The following CCDC74B variants were observed in gnomAD, a reference collection of about 807,000 sequenced individuals.
CCDC74B encodes the protein coiled-coil domain containing 74B, also known as coiled-coil domain-containing protein 74B.
In CCDC74B, 34 loss-of-function variants were observed where a neutral mutation model predicts 38.0. That is an observed-to-expected ratio of 0.89 (90% CI 0.68 to 1.19). The LOEUF (loss-of-function observed/expected upper bound fraction) is 1.19, where lower values mean the gene tolerates loss of function less well. Among genes scored for constraint, CCDC74B ranks in the 50% most tolerant of loss-of-function variants. The pLI, the probability that CCDC74B is intolerant of heterozygous loss-of-function variation, is 0.00. For synonymous variants in CCDC74B, 132 were observed against 170.4 expected (o/e 0.77, Z 1.76); for missense variants, 358 against 406.0 (o/e 0.88, Z 1.02).
In CCDC74B at chr2:130,140,335, G is replaced by T. The variant is rs1470207888; in HGVS notation, c.522C>A (p.Ala174=). The T allele has an allele frequency of 3.4e-5, 54 of 1,607,114 alleles. No individual in the cohort carries two copies. Among genetic ancestry groups the T allele is most frequent in the Non-Finnish European group, 4.1e-5 (48 of 1,176,962 alleles). Residue 174 remains alanine (A), a synonymous_variant, in exon 5 of 8, where the codon GCC becomes GCA. Coordinates refer to ENST00000409943, the MANE Select transcript of CCDC74B (RefSeq NM_001258307.2). ...CCTGGTGCTGGCTGTTCCCCATACA[G>T]GCAGCTCCTGCGTTAGAGGCCTCTG... ...EKAEASNAGA[A]CMGNSQHQGR... is the part of the protein sequence containing the mutation.
chr2:130,144,679 C>T lies in CCDC74B; in HGVS notation c.250+68G>A, dbSNP rs761459403. 467 of 1,583,354 alleles carry T rather than the reference C, an allele frequency of 2.9e-4. 1 individual carries two copies. The highest frequency in any genetic ancestry group is 1.6e-3 in the Admixed American group (86 of 55,330). On this transcript the variant is annotated intron_variant, in intron 1 of 7. Transcript: ENST00000409943. ...TGGAGTTGATGGCTGTGTTTCTGTG[C>T]TGCGGGAGCGGCAGTGTTGAGTGTG...
Position 130,139,767 on chromosome 2 carries a change from C to T in CCDC74B, c.810-77G>A. ...TGTGGGGAGTGCGGCCTGCATGGCC[C>T]TCACGGGGGCACAGAGAGGCCTCAG... On this transcript the variant is annotated intron_variant, in intron 7 of 7. Coordinates refer to ENST00000409943, the MANE Select transcript of CCDC74B (RefSeq NM_001258307.2). The T allele has an allele frequency of 8.1e-6, 13 of 1,606,870 alleles. No homozygotes were observed. The South Asian group carries it at 1.2e-4, about 15-fold the overall frequency.
At chr2:130,143,788 C>T (rs1228211927) in intron 1 of CCDC74B, among the ~76,000 whole-genome samples, 1 of 152,088 alleles carries the variant, frequency 6.6e-6, no homozygotes, top group African/African-American at 2.4e-5. Flanking sequence ...GGTAAGGCAG[C>T]AGCAGGGAAC....
At position 130,139,604 on chromosome 2, in the gene CCDC74B, T is replaced by C. The variant is rs1292317533; in HGVS notation, c.896A>G (p.Lys299Arg). ...CCGTTTCTGCATTGCCTGCAGCCTCTTCTGCCTCTCGGCAAAGTTGTTCTT... is the reference window on the plus strand; with the variant it reads ...CCGTTTCTGCATTGCCTGCAGCCTCCTCTGCCTCTCGGCAAAGTTGTTCTT... ...TPKNNFAERQ[K>R]RLQAMQKRRL... The change falls in exon 8 of 8, where the codon AAG becomes AGG. Residue 299 changes from lysine to arginine, a missense_variant. This residue lies in a region of CCDC74B where 213 missense variants were observed against 212.3 expected (regional missense o/e 1.00). Transcript: ENST00000409943. 6.2e-7 allele frequency: 1 copy of C among 1,613,502 alleles called. No individual in the cohort carries two copies. Among genetic ancestry groups the C allele is most frequent in the East Asian group, 2.2e-5 (1 of 44,876 alleles).
At chr2:130,143,605 C>G (rs986354732) in intron 1 of CCDC74B, among the ~76,000 whole-genome samples, 1 of 152,194 alleles carries the variant, frequency 6.6e-6, no homozygotes, top group African/African-American at 2.4e-5. Context: ...TTTAGGGGTA[C>G]AGAGGTGAAC....
In CCDC74B at chr2:130,142,187, C is replaced by T. The variant is rs1349391182; in HGVS notation, c.296-4G>A. On this transcript the variant is annotated splice_region_variant and splice_polypyrimidine_tract_variant and intron_variant, in intron 2 of 7. Coordinates refer to ENST00000409943, the MANE Select transcript of CCDC74B (RefSeq NM_001258307.2). ...AAGCTTGACGTGGAGAGGCTGTCTG[C>T]AGGAGAGCGCACAGTGTCGGCGCTA... The T allele has an allele frequency of 1.2e-5, 19 of 1,613,280 alleles. No individual in the cohort carries two copies. In the East Asian group the frequency reaches 4.0e-4, roughly 34 times the overall value.
At chr2:130,139,861 C>T (rs1685480063) in intron 7 of CCDC74B, 30 bp downstream of exon 7, 1 of 1,608,712 alleles carries the variant, frequency 6.2e-7, no homozygotes, top group Non-Finnish European at 8.5e-7. Flanking sequence ...TGCAGGGCTG[C>T]CCCACTGTCC....
rs1685573321 is a variant in CCDC74B, at chr2:130,140,933, A to G, written c.485+225T>C. 1.4e-5 allele frequency: 8 copies of G among 570,470 alleles called. No individual in the cohort carries two copies. In the South Asian group the frequency reaches 1.6e-4, roughly 12 times the overall value. 35.3% of individuals were successfully genotyped at this position (570,470 alleles called of 1,614,324 possible). ...CTCGTGGGCTCAGGTCAGCACAGGT[A>G]CTCTGCAGGACCCCCAGGGGAAGGG... is the stretch of plus-strand genomic sequence containing the variant. On this transcript the variant is annotated intron_variant, in intron 4 of 7. Coordinates refer to ENST00000409943, the MANE Select transcript of CCDC74B (RefSeq NM_001258307.2).
At position 130,144,327 on chromosome 2, in the gene CCDC74B, G is replaced by C. The variant is rs1685885462; in HGVS notation, c.250+420C>G. The C allele has an allele frequency of 3.8e-5, 24 of 626,634 alleles. 1 individual carries two copies. In the Middle Eastern group the frequency reaches 7.3e-3, roughly 190 times the overall value. The allele number at this position is 626,634 out of a possible 1,614,324, so 38.8% of individuals were successfully genotyped here. A position where few individuals can be genotyped will look rare whatever the true frequency, so the allele number is the denominator to read the frequency against. ...GCTAACTTTTTGTATTTTTAGTAGA[G>C]ACGGGGTTTCACCGTGTTAGCCAGG... On this transcript the variant is annotated intron_variant, in intron 1 of 7. Coordinates refer to ENST00000409943, the MANE Select transcript of CCDC74B (RefSeq NM_001258307.2).
At position 130,144,730 on chromosome 2, in the gene CCDC74B, G is replaced by T. The variant is rs772324539; in HGVS notation, c.250+17C>A. 3 of 1,610,548 alleles carry T rather than the reference G, an allele frequency of 1.9e-6. No individual in the cohort carries two copies. The highest frequency in any genetic ancestry group is 2.5e-6 in the Non-Finnish European group (3 of 1,178,968). ...CCTGGGGAGGCAGGGCCGGCCTAGG[G>T]CCCCGCGCCGGCTCACCCTTGTTTT... is the stretch of plus-strand genomic sequence containing the variant. On this transcript the variant is annotated intron_variant, in intron 1 of 7. Coordinates refer to ENST00000409943, the MANE Select transcript of CCDC74B (RefSeq NM_001258307.2).
At chr2:130,142,964 C>T (rs1394222364) in intron 2 of CCDC74B, 9 of 1,524,550 alleles carry the variant, frequency 5.9e-6, no homozygotes, top group Middle Eastern at 1.7e-4. Context: ...CAGGGGCTGT[C>T]CCAGGGGTTC....
rs765171448 is a variant in CCDC74B, at chr2:130,141,216, C to G, written c.427G>C (p.Glu143Gln). The change falls in exon 4 of 8, where the codon GAG becomes CAG. Residue 143 changes from glutamate to glutamine, a missense_variant. Transcript: ENST00000409943. ...AGCTTGCTGTTGTGAAGTAGGGGCTCCTCTTCCAGGTCCGCCTTCTGGGGG... is the reference window on the plus strand; with the variant it reads ...AGCTTGCTGTTGTGAAGTAGGGGCTGCTCTTCCAGGTCCGCCTTCTGGGGG... ...DVPQKADLEE[E>Q]PLLHNSKLDK... is the part of the protein sequence containing the mutation. 6.2e-7 allele frequency: 1 copy of G among 1,612,686 alleles called. No individual in the cohort carries two copies. The highest frequency in any genetic ancestry group is 1.3e-5 in the African/African-American group (1 of 74,866).
chr2:130,144,584 G>A (rs2104769078), intron 1 of CCDC74B, 163 bp downstream of exon 1: 1 of 1,549,856 alleles, frequency 6.5e-7, no homozygotes, highest in South Asian at 1.2e-5. Flanking sequence ...CTCCCTCTGG[G>A]AGGAGGGGAC....
chr2:130,141,024 G>C (rs578005657), intron 4 of CCDC74B, 134 bp downstream of exon 4: 3 of 1,403,298 alleles, frequency 2.1e-6, no homozygotes, highest in Middle Eastern at 2.6e-4. Flanking sequence ...CCTGGAGACA[G>C]GCCCCTGGAG....
At position 130,144,845 on chromosome 2, in the gene CCDC74B, A is replaced by T. The variant is rs555661147; in HGVS notation, c.152T>A (p.Leu51Gln). The T allele has an allele frequency of 1.1e-5, 18 of 1,613,398 alleles. No individual in the cohort carries two copies. Among genetic ancestry groups the T allele is most frequent in the Non-Finnish European group, 1.4e-5 (17 of 1,179,816 alleles). The change falls in exon 1 of 8, where the codon CTG becomes CAG. Residue 51 changes from leucine (L) to glutamine (Q), a missense_variant. Physicochemically the swap from Leu to Gln is moderately radical, Grantham distance 113 (BLOSUM62 -2). Around this residue, in one of 3 missense-constraint regions of CCDC74B, gnomAD observed 128 missense variants for 146.7 expected, o/e 0.87. Transcript: ENST00000409943. ...LRQSDPQKRN[L>Q]DLEKSLQFLQ... ...GAACTGTAGGCTCTTCTCCAGGTCC[A>T]GGTTCCGTTTCTGCGGGTCGCTCTG...
chr2:130,140,271 G>A lies in CCDC74B; in HGVS notation c.586C>T (p.Leu196=). ...MGAAAHPPMI[L]PLPLRKPTTL... is the part of the protein sequence containing the mutation. Reference sequence around the variant, plus strand: ...GTGGGCTTTCGCAGGGGAAGGGGCAGGATCATTGGGGGGTGTGCCGCCGCC... The same window carrying A: ...GTGGGCTTTCGCAGGGGAAGGGGCAAGATCATTGGGGGGTGTGCCGCCGCC... The change falls in exon 5 of 8, where the codon CTG becomes TTG. Residue 196 remains leucine, a synonymous_variant. Transcript: ENST00000409943. 1 of 1,613,376 alleles carries A rather than the reference G, an allele frequency of 6.2e-7. No individual in the cohort carries two copies. The highest frequency in any genetic ancestry group is 2.2e-5 in the East Asian group (1 of 44,876).
In CCDC74B at chr2:130,140,362, T is replaced by C; in HGVS notation, c.495A>G (p.Lys165=). Residue 165 remains lysine, a synonymous_variant, in exon 5 of 8, where the codon AAA becomes AAG. Transcript: ENST00000409943. ...PGVQGQARKE[K]AEASNAGAAC... is the part of the protein sequence containing the mutation. ...CAGCTCCTGCGTTAGAGGCCTCTGC[T>C]TTCTCCTTTCTGAAACAGTCATTGC... 3 of 1,576,054 alleles carry C rather than the reference T, an allele frequency of 1.9e-6. No individual in the cohort carries two copies. Among genetic ancestry groups the C allele is most frequent in the Non-Finnish European group, 2.6e-6 (3 of 1,162,356 alleles).
chr2:130,145,108 G>C lies in CCDC74B; in HGVS notation c.-112C>G. The C allele has an allele frequency of 1.4e-6, 2 of 1,389,892 alleles. No individual in the cohort carries two copies. The highest frequency in any genetic ancestry group is 3.3e-5 in the South Asian group (2 of 61,464). 86.1% of individuals were successfully genotyped at this position (1,389,892 alleles called of 1,614,324 possible). On this transcript the variant is annotated 5_prime_UTR_variant, in exon 1 of 8. Transcript: ENST00000409943. ...AACCGGGCGACGGAGGGCGCCAGGCGTTTGGCGGGGGCGGGGCCTGTCGCT... is the reference window on the plus strand; with the variant it reads ...AACCGGGCGACGGAGGGCGCCAGGCCTTTGGCGGGGGCGGGGCCTGTCGCT...
At position 130,145,094 on chromosome 2, in the gene CCDC74B, G is replaced by A. The variant is rs1398080888; in HGVS notation, c.-98C>T. 21 of 1,401,182 alleles carry A rather than the reference G, an allele frequency of 1.5e-5. No homozygotes were observed. Among genetic ancestry groups the A allele is most frequent in the South Asian group, 1.6e-5 (1 of 61,822 alleles). The allele number at this position is 1,401,182 out of a possible 1,614,324, so 86.8% of individuals were successfully genotyped here. A position where few individuals can be genotyped will look rare whatever the true frequency, so the allele number is the denominator to read the frequency against. ...CCCGTCACCATGGAAACCGGGCGACGGAGGGCGCCAGGCGTTTGGCGGGGG... is the reference window on the plus strand; with the variant it reads ...CCCGTCACCATGGAAACCGGGCGACAGAGGGCGCCAGGCGTTTGGCGGGGG... On this transcript the variant is annotated 5_prime_UTR_variant, in exon 1 of 8. Coordinates refer to ENST00000409943, the MANE Select transcript of CCDC74B (RefSeq NM_001258307.2).
Sources: gnomAD v4.1 joint callset for allele counts (sites outside exome capture counted in the v4.1 genomes callset) on GRCh38, gnomAD v4.1.1 for gene constraint, gnomAD v4.1.1 regional missense constraint, MANE v1.5 for transcripts, NCBI Gene and HGNC (gene_info 2026-07-23, HGNC 2026-07-21) for gene names.